The following GALNT13 variants were observed in gnomAD, a reference collection of about 807,000 sequenced individuals.
The protein encoded by GALNT13 is polypeptide N-acetylgalactosaminyltransferase 13, also known as UDP-GalNAc:polypeptide N-acetylgalactosaminyltransferase 13.
A neutral mutation model predicts 64.2 loss-of-function variants in GALNT13; 28 were observed. The ratio of observed to expected loss-of-function variants is 0.44; its 90% CI spans 0.32 to 0.60. GALNT13 has a LOEUF of 0.60. GALNT13 is among the 20% of genes least tolerant of loss of function. GALNT13 has a pLI of 0.05. For missense variants in GALNT13, 577 were observed against 669.8 expected, an observed-to-expected ratio of 0.86 and a Z score of 1.53; for synonymous variants, 214 against 224.6, an observed-to-expected ratio of 0.95 and a Z score of 0.42.
chr2:154,445,458 G>A (rs1338885148), intron 12 of GALNT13, among the ~76,000 whole-genome samples: 2 of 151,724 alleles, frequency 1.3e-5, no homozygotes, highest in Non-Finnish European at 2.9e-5. Flanking sequence ...AAATATCACT[G>A]AGAGTAGAGG....
intron 4 of GALNT13, among the ~76,000 whole-genome samples, chr2:154,186,718 G>A (rs1686270536): frequency 6.6e-6 from 1 of 152,040 alleles, no homozygotes; most frequent in Non-Finnish European, 1.5e-5. Context: ...TTTTCTCACA[G>A]TCCTAGTAGA....
chr2:153,430,953 C>A, the GALNT13 span, among the ~76,000 whole-genome samples: 1 of 151,720 alleles, frequency 6.6e-6, no homozygotes, highest in Admixed American at 6.6e-5. Flanking sequence ...AGTTCGAGAC[C>A]AGCCTGGCCA....
the GALNT13 span, among the ~76,000 whole-genome samples, chr2:153,605,442 C>A: frequency 1.3e-5 from 2 of 151,908 alleles, no homozygotes; most frequent in Non-Finnish European, 2.9e-5. Context: ...TGTTAGCACT[C>A]AGAAAAAAAA....
chr2:153,842,459 C>A, the GALNT13 span, among the ~76,000 whole-genome samples: 1 of 151,934 alleles, frequency 6.6e-6, no homozygotes, highest in Admixed American at 6.6e-5. Context: ...GTGTCATCAC[C>A]TAAGAGTAAG....
chr2:153,822,159 C>T, the GALNT13 span, among the ~76,000 whole-genome samples: 2 of 152,056 alleles, frequency 1.3e-5, no homozygotes, highest in Non-Finnish European at 2.9e-5. Context: ...AGACATACAA[C>T]GAAGAGCTGG....
the GALNT13 span, among the ~76,000 whole-genome samples, chr2:153,368,734 C>T: frequency 1.3e-5 from 2 of 151,996 alleles, no homozygotes; most frequent in African/African-American, 2.4e-5. Context: ...TTGGATACTT[C>T]ACCATTCTTC....
At chr2:154,121,109 A>C (rs1681916917) in intron 3 of GALNT13, among the ~76,000 whole-genome samples, 1 of 152,188 alleles carries the variant, frequency 6.6e-6, no homozygotes, top group Non-Finnish European at 1.5e-5. Flanking sequence ...GAAGGGAATA[A>C]AGTGGTTTAG....
At chr2:153,646,150 T>C in the GALNT13 span, among the ~76,000 whole-genome samples, 1 of 152,112 alleles carries the variant, frequency 6.6e-6, no homozygotes, top group Non-Finnish European at 1.5e-5. Context: ...TTATATTTAT[T>C]GTTCTTCCTC....
chr2:154,450,718 C>T lies in GALNT13; in HGVS notation c.*167C>T, dbSNP rs1701843096. On this transcript the variant is annotated 3_prime_UTR_variant, in exon 13 of 13. Coordinates refer to ENST00000392825, the MANE Select transcript of GALNT13 (RefSeq NM_052917.4). ...CTAGAAATGTTTGCTTATTTCCCTA[C>T]TAAAATTTGTATCTGATCAAAGCAC... 4 of 610,698 alleles carry T rather than the reference C, an allele frequency of 6.5e-6. No individual in the cohort carries two copies. The highest frequency in any genetic ancestry group is 1.1e-5 in the Non-Finnish European group (4 of 372,972). 37.8% of individuals were successfully genotyped at this position (610,698 alleles called of 1,614,324 possible).
chr2:153,466,940 G>T, the GALNT13 span, among the ~76,000 whole-genome samples: 1 of 151,938 alleles, frequency 6.6e-6, no homozygotes, highest in African/African-American at 2.4e-5. Context: ...CATGGAAAGT[G>T]CTCAGAATAG....
At chr2:153,933,649 T>C (rs181570086) in intron 2 of GALNT13, among the ~76,000 whole-genome samples, 140 of 152,282 alleles carry the variant, frequency 9.2e-4, no homozygotes, top group African/African-American at 3.3e-3. Flanking sequence ...TAGCTTGTTA[T>C]GTAAACTTGA....
At chr2:153,793,261 C>T in the GALNT13 span, among the ~76,000 whole-genome samples, 2 of 151,802 alleles carry the variant, frequency 1.3e-5, no homozygotes, top group East Asian at 1.9e-4. Flanking sequence ...CGTGAGCCAC[C>T]GCACCCGGCC....
the GALNT13 span, among the ~76,000 whole-genome samples, chr2:153,479,965 T>A: frequency 6.6e-6 from 1 of 152,174 alleles, no homozygotes; most frequent in African/African-American, 2.4e-5. Flanking sequence ...TTCTTTCAGC[T>A]GTAACAGCTG....
chr2:153,713,861 G>A, the GALNT13 span, among the ~76,000 whole-genome samples: 4 of 152,216 alleles, frequency 2.6e-5, no homozygotes, highest in South Asian at 8.3e-4. Flanking sequence ...GACAACTATT[G>A]TACTGCCACT....
At chr2:154,241,251 G>A (rs1238063742) in intron 4 of GALNT13, among the ~76,000 whole-genome samples, 1 of 152,144 alleles carries the variant, frequency 6.6e-6, no homozygotes, top group East Asian at 1.9e-4. Context: ...CAACATTTGG[G>A]CAGGAAATGC....
the GALNT13 span, among the ~76,000 whole-genome samples, chr2:153,155,361 T>A: frequency 1.3e-5 from 2 of 152,204 alleles, no homozygotes; most frequent in Non-Finnish European, 2.9e-5. Context: ...CTGGGCTTTT[T>A]CCACTTGGCA....
At chr2:153,831,414 G>A in the GALNT13 span, among the ~76,000 whole-genome samples, 1 of 152,066 alleles carries the variant, frequency 6.6e-6, no homozygotes, top group South Asian at 2.1e-4. Context: ...TCTTCTCATC[G>A]GCTTCCTGTG....
At chr2:153,871,718 G>A (rs1454736428), upstream of GALNT13, among the ~76,000 whole-genome samples, 1 of 152,218 alleles carries the variant, frequency 6.6e-6, no homozygotes, top group Non-Finnish European at 1.5e-5. Flanking sequence ...GAAGCAGCTG[G>A]AGCGCGCTCG....
chr2:153,345,628 C>CT, the GALNT13 span, among the ~76,000 whole-genome samples: 2,531 of 106,474 alleles, frequency 0.024, 49 homozygotes, highest in Non-Finnish European at 0.035. Flanking sequence ...CTTTTCTTTT[C>CT]CTTTCTTTTT....
Sources: allele counts gnomAD v4.1 joint callset (sites outside exome capture counted in the v4.1 genomes callset), GRCh38; gene constraint gnomAD v4.1.1; transcripts MANE v1.5; gene names NCBI Gene and HGNC (gene_info 2026-07-23, HGNC 2026-07-21).